Variants in NPLOC4 observed in about 807,000 individuals in gnomAD.
NPLOC4 encodes NPL4 homolog, ubiquitin recognition factor, also known as nuclear protein localization protein 4 homolog.
Under a neutral mutation model 80.6 loss-of-function variants are expected in NPLOC4, and 18 were observed. The observed-to-expected ratio is 0.22, with a 90% CI of 0.15 to 0.33. The LOEUF is 0.33. NPLOC4 is among the 10% of genes least tolerant of loss of function. NPLOC4 has a pLI of 1.00. For synonymous variants in NPLOC4, 313 were observed against 301.5 expected (o/e 1.04, Z -0.39); for missense variants, 540 against 786.1 (o/e 0.69, Z 3.74).
chr17:81,594,791 T>A (rs991321780), intron 11 of NPLOC4, among the ~76,000 whole-genome samples: 2 of 151,078 alleles, frequency 1.3e-5, no homozygotes, highest in African/African-American at 4.9e-5. Flanking sequence ...AAAAAAAAAT[T>A]AAAAATTAAC....
intron 1 of NPLOC4, among the ~76,000 whole-genome samples, chr17:81,633,770 C>G (rs938967592): frequency 6.6e-6 from 1 of 152,164 alleles, no homozygotes; most frequent in Non-Finnish European, 1.5e-5. Context: ...GATGGCGCGA[C>G]CTCGGTTCAC....
Position 81,567,059 on chromosome 17 carries a change from T to C in NPLOC4, c.1566+358A>G. 1 of 221,498 alleles carries C rather than the reference T, an allele frequency of 4.5e-6. No homozygotes were observed. Among genetic ancestry groups the C allele is most frequent in the South Asian group, 6.7e-5 (1 of 14,914 alleles). 13.7% of individuals were successfully genotyped at this position (221,498 alleles called of 1,614,324 possible). On this transcript the variant is annotated intron_variant, in intron 15 of 16. Transcript: ENST00000331134. The surrounding 1 kb of genome is among the most constrained non-coding windows in gnomAD (Gnocchi z 4.5). Reference sequence around the variant, plus strand: ...GAGTAAAAAGCAGAGGCTGTGACTCTGAAACTGTTAGAACAGGAATTTTTT... The same window carrying C: ...GAGTAAAAAGCAGAGGCTGTGACTCCGAAACTGTTAGAACAGGAATTTTTT...
In NPLOC4 at chr17:81,558,052, A is replaced by C. The variant is rs2033701912; in HGVS notation, c.*1207T>G. 6.6e-6 allele frequency: 1 copy of C among 152,420 alleles called. No individual in the cohort carries two copies. The highest frequency in any genetic ancestry group is 1.5e-5 in the Non-Finnish European group (1 of 68,134). The allele number at this position is 152,420 out of a possible 1,614,324, so 9.4% of individuals were successfully genotyped here. A position where few individuals can be genotyped will look rare whatever the true frequency, so the allele number is the denominator to read the frequency against. Reference sequence around the variant, plus strand: ...CCAGATGTGGCCATCATTAAGGCAAAGAAGCATCGAGATGCCCACCACTCC... The same window carrying C: ...CCAGATGTGGCCATCATTAAGGCAACGAAGCATCGAGATGCCCACCACTCC... On this transcript the variant is annotated 3_prime_UTR_variant, in exon 17 of 17. Transcript: ENST00000331134.
chr17:81,631,641 A>G (rs963594907), intron 1 of NPLOC4, among the ~76,000 whole-genome samples: 9 of 151,970 alleles, frequency 5.9e-5, no homozygotes, highest in Non-Finnish European at 1.2e-4. Context: ...CATGCTCTGC[A>G]GCAAACAAAG....
At position 81,580,497 on chromosome 17, in the gene NPLOC4, C is replaced by G. The variant is rs1182021520; in HGVS notation, c.1282-8409G>C. Reference sequence around the variant, plus strand: ...ATCTCACTTCCAACCATAGATTCAGCTTCCAAGGGCCCCTCCCACCTCTAC... The same window carrying G: ...ATCTCACTTCCAACCATAGATTCAGGTTCCAAGGGCCCCTCCCACCTCTAC... On this transcript the variant is annotated intron_variant, in intron 12 of 16. Coordinates refer to ENST00000331134, the MANE Select transcript of NPLOC4 (RefSeq NM_017921.4). This position sits in a 1 kb window ranked among gnomAD's most constrained non-coding sequence, Gnocchi z 4.4. Among the ~76,000 whole-genome samples, 1 of 152,178 alleles carries G rather than the reference C, an allele frequency of 6.6e-6. No homozygotes were observed. Among genetic ancestry groups the G allele is most frequent in the Non-Finnish European group, 1.5e-5 (1 of 68,018 alleles).
Position 81,572,114 on chromosome 17 carries a change from G to C in NPLOC4, c.1282-26C>G. ...CTGCAATAGTCAGAGGGGAACAGCG[G>C]TGAGCAAAGACGATCAGTAGTAATG... On this transcript the variant is annotated intron_variant, in intron 12 of 16. Coordinates refer to ENST00000331134, the MANE Select transcript of NPLOC4 (RefSeq NM_017921.4). This position sits in a 1 kb window ranked among gnomAD's most constrained non-coding sequence, Gnocchi z 4.5. 6.5e-7 allele frequency: 1 copy of C among 1,549,428 alleles called. No homozygotes were observed. The highest frequency in any genetic ancestry group is 1.4e-5 in the African/African-American group (1 of 73,668).
In NPLOC4 at chr17:81,572,725, A is replaced by G. The variant is rs897606193; in HGVS notation, c.1282-637T>C. Among the ~76,000 whole-genome samples, 14 of 152,370 alleles carry G rather than the reference A, an allele frequency of 9.2e-5. No homozygotes were observed. The East Asian group carries it at 1.9e-3, about 21-fold the overall frequency. On this transcript the variant is annotated intron_variant, in intron 12 of 16. Transcript: ENST00000331134. The surrounding 1 kb of genome is among the most constrained non-coding windows in gnomAD (Gnocchi z 4.5). ...CACTCAGGCGCGATCTGCGACAGGC[A>G]GAAGGGTCTGCGTTCCCCTCAGGTT...
chr17:81,595,440 A>C (rs1235478779), intron 11 of NPLOC4, among the ~76,000 whole-genome samples: 5 of 146,354 alleles, frequency 3.4e-5, no homozygotes, highest in East Asian at 1.9e-4. Flanking sequence ...AAAAAAAAAA[A>C]AAACCCGTTT....
chr17:81,623,799 A>C lies in NPLOC4; in HGVS notation c.97-1521T>G, dbSNP rs75045041. Among the ~76,000 whole-genome samples, 4 of 99,878 alleles carry C rather than the reference A, an allele frequency of 4.0e-5. No individual in the cohort carries two copies. In the Admixed American group the frequency reaches 4.2e-4, roughly 11 times the overall value. The allele number at this position is 99,878 out of a possible 152,430, so 65.5% of individuals were successfully genotyped here. A position where few individuals can be genotyped will look rare whatever the true frequency, so the allele number is the denominator to read the frequency against. ...GACGACAGAGCGAGACTCCGTCTCA[A>C]AAAAAAAAACAAAACTCAATTCCAA... On this transcript the variant is annotated intron_variant, in intron 2 of 16. Transcript: ENST00000331134.
chr17:81,618,726 G>A (rs2035580864), intron 3 of NPLOC4, among the ~76,000 whole-genome samples: 1 of 151,618 alleles, frequency 6.6e-6, no homozygotes, highest in African/African-American at 2.4e-5. Context: ...CATTGAGAAC[G>A]GGCCATGATG....
intron 3 of NPLOC4, among the ~76,000 whole-genome samples, chr17:81,616,871 A>G (rs1014913644): frequency 6.6e-6 from 1 of 152,204 alleles, no homozygotes; most frequent in African/African-American, 2.4e-5. Flanking sequence ...TTAAATGAAC[A>G]ATGGAATGGA....
chr17:81,564,217 G>C (rs2033941607), intron 16 of NPLOC4: 1 of 174,678 alleles, frequency 5.7e-6, no homozygotes, highest in South Asian at 9.5e-5. Flanking sequence ...ATATACCCAG[G>C]TGACAAACCT....
chr17:81,570,036 G>A (rs2034119920), intron 13 of NPLOC4, among the ~76,000 whole-genome samples: 1 of 152,230 alleles, frequency 6.6e-6, no homozygotes, highest in African/African-American at 2.4e-5. Flanking sequence ...GAATGAGTGT[G>A]GTTCTGGTCT....
At chr17:81,582,043 T>C (rs1487294644) in intron 12 of NPLOC4, among the ~76,000 whole-genome samples, 1 of 152,178 alleles carries the variant, frequency 6.6e-6, no homozygotes, top group Non-Finnish European at 1.5e-5. Context: ...AGGGCTCCTC[T>C]GTACCAAAGA....
In NPLOC4 at chr17:81,570,336, T is replaced by C. The variant is rs1169922369; in HGVS notation, c.1354-1225A>G. Among the ~76,000 whole-genome samples, 5 of 152,282 alleles carry C rather than the reference T, an allele frequency of 3.3e-5. No individual in the cohort carries two copies. The East Asian group carries it at 9.7e-4, about 29-fold the overall frequency. On this transcript the variant is annotated intron_variant, in intron 13 of 16. Coordinates refer to ENST00000331134, the MANE Select transcript of NPLOC4 (RefSeq NM_017921.4). ...GTGCCCAGCACGGGGCTGGTACACA[T>C]AGTGTTGGTACACACAGTGCTGGGT...
intron 1 of NPLOC4, among the ~76,000 whole-genome samples, chr17:81,633,789 T>C (rs1312529180): frequency 6.6e-6 from 1 of 152,072 alleles, no homozygotes; most frequent in Non-Finnish European, 1.5e-5. Flanking sequence ...ACTGCAACCT[T>C]TGCCTGCCGA....
At chr17:81,574,636 G>A (rs1227420383) in intron 12 of NPLOC4, among the ~76,000 whole-genome samples, 6 of 152,132 alleles carry the variant, frequency 3.9e-5, no homozygotes, top group African/African-American at 7.2e-5. Flanking sequence ...CTCGCCACCC[G>A]CCAGAGGCCA....
rs185475763 is a variant in NPLOC4 at position 81,583,814 on chromosome 17, C to T, written c.1281+5130G>A. Among the ~76,000 whole-genome samples the T allele has an allele frequency of 2.6e-5, 4 of 152,322 alleles. No homozygotes were observed. In the East Asian group the frequency reaches 7.7e-4, roughly 29 times the overall value. Reference sequence around the variant, plus strand: ...AGTCAGGAAGCTTCTACTCCCACCCCATGTGTGAGTGCATGTAAATGTATG... The same window carrying T: ...AGTCAGGAAGCTTCTACTCCCACCCTATGTGTGAGTGCATGTAAATGTATG... On this transcript the variant is annotated intron_variant, in intron 12 of 16. Transcript: ENST00000331134.
rs1261085642 is a variant in NPLOC4, at chr17:81,558,522, C to G, written c.*737G>C. 6.6e-6 allele frequency: 1 copy of G among 152,114 alleles called. No individual in the cohort carries two copies. The highest frequency in any genetic ancestry group is 2.1e-4 in the South Asian group (1 of 4,828). The allele number at this position is 152,114 out of a possible 1,614,324, so 9.4% of individuals were successfully genotyped here. A position where few individuals can be genotyped will look rare whatever the true frequency, so the allele number is the denominator to read the frequency against. ...CCTGGACACAACCTCGGGGGCTTCA[C>G]TAAAGGAGGGAAGGATGTGGAAACT... On this transcript the variant is annotated 3_prime_UTR_variant, in exon 17 of 17. Transcript: ENST00000331134.
Sources: allele counts gnomAD v4.1 joint callset (sites outside exome capture counted in the v4.1 genomes callset), GRCh38; gene constraint gnomAD v4.1.1; non-coding constraint Gnocchi (gnomAD v3.1); transcripts MANE v1.5; gene names NCBI Gene and HGNC (gene_info 2026-07-23, HGNC 2026-07-21).